CLOCK: variants seen among roughly 807,000 people sequenced by gnomAD.
The protein encoded by CLOCK is clock circadian regulator.
In CLOCK, 43 loss-of-function variants were observed where a neutral mutation model predicts 118.4. That is an observed-to-expected ratio of 0.36 (90% CI 0.28 to 0.47). CLOCK has a LOEUF of 0.47. Ranked by LOEUF, CLOCK falls within the 20% of genes least tolerant of loss-of-function variation. The probability of loss-of-function intolerance (pLI) is 1.00; values close to 1 mark genes in which losing one functional copy is unlikely to be tolerated. For missense variants in CLOCK, 846 were observed against 999.9 expected (o/e 0.85, Z 2.08); for synonymous variants, 326 against 339.2 (o/e 0.96, Z 0.43).
intron 6 of CLOCK, among the ~76,000 whole-genome samples, 180 bp downstream of exon 6, chr4:55,478,635 T>C (rs1726704817): frequency 6.6e-6 from 1 of 152,178 alleles, no homozygotes; most frequent in South Asian, 2.1e-4. Context: ...ATTTAGCATG[T>C]AGTAGGCACG....
chr4:55,498,359 A>G (rs1348036610), intron 2 of CLOCK, among the ~76,000 whole-genome samples: 1 of 152,198 alleles, frequency 6.6e-6, no homozygotes, highest in Non-Finnish European at 1.5e-5. Flanking sequence ...AATCATCTGA[A>G]AAGTATTTCA....
chr4:55,500,111 T>C (rs1728339916), intron 2 of CLOCK, among the ~76,000 whole-genome samples: 2 of 152,188 alleles, frequency 1.3e-5, no homozygotes, highest in Non-Finnish European at 2.9e-5. Flanking sequence ...AGGGTTTCTC[T>C]TGGAGTTTTT....
chr4:55,511,300 A>G (rs1360001674), intron 1 of CLOCK, among the ~76,000 whole-genome samples: 2 of 150,574 alleles, frequency 1.3e-5, no homozygotes, highest in African/African-American at 4.9e-5. Context: ...AATTTTAATG[A>G]CACAGTCCAA....
chr4:55,471,641 A>G (rs1560440397), intron 7 of CLOCK, among the ~76,000 whole-genome samples: 1 of 152,218 alleles, frequency 6.6e-6, no homozygotes, highest in African/African-American at 2.4e-5. Context: ...GCAATTTTGT[A>G]TTTTATACAC....
At chr4:55,544,807 T>C (rs1339285310) in intron 1 of CLOCK, among the ~76,000 whole-genome samples, 1 of 152,202 alleles carries the variant, frequency 6.6e-6, no homozygotes, top group East Asian at 1.9e-4. Context: ...CTCTCCTCTA[T>C]TGTTAGTTTT....
chr4:55,543,755 T>C (rs1203497518), intron 1 of CLOCK, among the ~76,000 whole-genome samples: 11 of 151,078 alleles, frequency 7.3e-5, no homozygotes, highest in African/African-American at 2.7e-4. Context: ...TCCGGCCTGG[T>C]GACAGAGCAA....
At chr4:55,472,208 A>G (rs1287423702) in intron 7 of CLOCK, among the ~76,000 whole-genome samples, 2 of 152,252 alleles carry the variant, frequency 1.3e-5, no homozygotes, top group Admixed American at 6.5e-5. Context: ...GAGATAAAGA[A>G]TAAGAAAATG....
intron 1 of CLOCK, among the ~76,000 whole-genome samples, chr4:55,530,592 T>C (rs1323551987): frequency 6.6e-6 from 1 of 151,758 alleles, no homozygotes; most frequent in African/African-American, 2.4e-5. Context: ...CTGGCTAACA[T>C]GGTGAAACCC....
intron 2 of CLOCK, among the ~76,000 whole-genome samples, chr4:55,492,930 A>T (rs1727816883): frequency 6.6e-6 from 1 of 152,224 alleles, no homozygotes; most frequent in Non-Finnish European, 1.5e-5. Flanking sequence ...AAAATATATC[A>T]GACATAAACC....
At chr4:55,504,059 C>T (rs372194772) in intron 2 of CLOCK, among the ~76,000 whole-genome samples, 16 of 142,036 alleles carry the variant, frequency 1.1e-4, no homozygotes, top group Admixed American at 8.1e-4. Flanking sequence ...CCAAGGCGGG[C>T]GGATCACGAG....
intron 21 of CLOCK, among the ~76,000 whole-genome samples, chr4:55,441,886 C>G (rs1447558745): frequency 6.6e-6 from 1 of 152,196 alleles, no homozygotes; most frequent in Non-Finnish European, 1.5e-5. Context: ...GAAATGAAGA[C>G]ACCAAGGTCT....
rs1578249859 is a variant in CLOCK, at chr4:55,428,903, C to CT, written c.*6511dup. 6.7e-6 allele frequency: 1 copy of CT among 150,160 alleles called. No homozygotes were observed. The highest frequency in any genetic ancestry group is 1.5e-5 in the Non-Finnish European group (1 of 67,752). 9.3% of individuals were successfully genotyped at this position (150,160 alleles called of 1,614,324 possible). A position where few individuals can be genotyped will look rare whatever the true frequency, so the allele number is the denominator to read the frequency against. On this transcript the variant is annotated 3_prime_UTR_variant, in exon 23 of 23. Coordinates refer to ENST00000513440, the MANE Select transcript of CLOCK (RefSeq NM_004898.4). ...AATGCCATACTGAGGCCTTCCCCAA[C>CT]TTAAACCATAGTAAAGATTTCAAAA... is the stretch of plus-strand genomic sequence containing the variant.
rs1722642244 is a variant in CLOCK, at chr4:55,433,271, T to C, written c.*2144A>G. 6.6e-6 allele frequency: 1 copy of C among 152,646 alleles called. No individual in the cohort carries two copies. The highest frequency in any genetic ancestry group is 2.1e-4 in the South Asian group (1 of 4,834). 9.5% of individuals were successfully genotyped at this position (152,646 alleles called of 1,614,324 possible). A position where few individuals can be genotyped will look rare whatever the true frequency, so the allele number is the denominator to read the frequency against. On this transcript the variant is annotated 3_prime_UTR_variant, in exon 23 of 23. Coordinates refer to ENST00000513440, the MANE Select transcript of CLOCK (RefSeq NM_004898.4). Reference sequence around the variant, plus strand: ...GTGGGAAATCTCTACTGGATGGTCATTTAGCTAGAAGAGCTCCTTGATATG... The same window carrying C: ...GTGGGAAATCTCTACTGGATGGTCACTTAGCTAGAAGAGCTCCTTGATATG...
chr4:55,533,807 G>A (rs941564018), intron 1 of CLOCK, among the ~76,000 whole-genome samples: 10 of 152,158 alleles, frequency 6.6e-5, no homozygotes, highest in Non-Finnish European at 1.3e-4. Context: ...GGAGGCTGAG[G>A]CAGGAGAACA....
chr4:55,442,238 T>G, intron 21 of CLOCK, 194 bp downstream of exon 21: 1 of 581,592 alleles, frequency 1.7e-6, no homozygotes, highest in Non-Finnish European at 3.0e-6. Flanking sequence ...GAAAAAAAAT[T>G]TGTTGTTACC....
In CLOCK at chr4:55,434,048, G is replaced by A. The variant is rs1722695381; in HGVS notation, c.*1367C>T. On this transcript the variant is annotated 3_prime_UTR_variant, in exon 23 of 23. Transcript: ENST00000513440. ...TATTTCTAAATTATTTGTACCTCCA[G>A]TCCAAGAGACTGATAGCAGTCTTCA... is the stretch of plus-strand genomic sequence containing the variant. The A allele has an allele frequency of 6.6e-6, 1 of 152,594 alleles. No individual in the cohort carries two copies. Among genetic ancestry groups the A allele is most frequent in the Non-Finnish European group, 1.5e-5 (1 of 68,042 alleles). The allele number at this position is 152,594 out of a possible 1,614,324, so 9.5% of individuals were successfully genotyped here.
intron 4 of CLOCK, among the ~76,000 whole-genome samples, chr4:55,480,082 T>G (rs1489392842): frequency 6.6e-6 from 1 of 152,226 alleles, no homozygotes; most frequent in Non-Finnish European, 1.5e-5. Flanking sequence ...TTCTTAGATA[T>G]TTACTTTCTA....
At chr4:55,453,638 T>C (rs1724671467) in intron 14 of CLOCK, 39 bp downstream of exon 14, 1 of 1,571,904 alleles carries the variant, frequency 6.4e-7, no homozygotes, top group Non-Finnish European at 8.7e-7. Flanking sequence ...CATCATAGGA[T>C]GTTACAGTAA....
At chr4:55,457,443 TAC>T (rs1287190460) in intron 11 of CLOCK, among the ~76,000 whole-genome samples, 2 of 152,222 alleles carry the variant, frequency 1.3e-5, no homozygotes, top group East Asian at 3.8e-4. Flanking sequence ...ACTGATTTGC[TAC>T]AGTGTTCACC....
Sources: gnomAD v4.1 joint callset for allele counts (sites outside exome capture counted in the v4.1 genomes callset) on GRCh38, gnomAD v4.1.1 for gene constraint, MANE v1.5 for transcripts, NCBI Gene and HGNC (gene_info 2026-07-23, HGNC 2026-07-21) for gene names.